The following BCAS3 variants were observed in gnomAD, a reference collection of about 807,000 sequenced individuals.
BCAS3 encodes BCAS3 microtubule associated cell migration factor, also known as BCAS4/BCAS3 fusion.
Under a neutral mutation model 116.1 loss-of-function variants are expected in BCAS3, and 53 were observed. The ratio of observed to expected loss-of-function variants is 0.46; its 90% CI spans 0.37 to 0.57. BCAS3 has a LOEUF of 0.57. Among genes scored for constraint, BCAS3 ranks in the 20% least tolerant of loss-of-function variants. The pLI is 0.00. For synonymous variants in BCAS3, 391 were observed against 408.2 expected, an observed-to-expected ratio of 0.96 and a Z score of 0.51; for missense variants, 917 against 1,165.4, an observed-to-expected ratio of 0.79 and a Z score of 3.10.
intron 22 of BCAS3, among the ~76,000 whole-genome samples, chr17:61,110,436 G>A (rs573166217): frequency 2.0e-5 from 3 of 152,312 alleles, no homozygotes; most frequent in South Asian, 2.1e-4. Flanking sequence ...CTTGGGAAGC[G>A]CAAGGGGTCA....
intron 4 of BCAS3, among the ~76,000 whole-genome samples, chr17:60,707,448 C>G (rs2037314948): frequency 6.6e-6 from 1 of 152,160 alleles, no homozygotes; most frequent in Non-Finnish European, 1.5e-5. Context: ...ATGGGGGGTA[C>G]TTAGCACCCC....
intron 14 of BCAS3, among the ~76,000 whole-genome samples, chr17:60,985,055 A>G (rs2063050593): frequency 6.6e-6 from 1 of 151,528 alleles, no homozygotes; most frequent in African/African-American, 2.4e-5. Context: ...ACGGGCATAC[A>G]ATGTCAAATA....
intron 22 of BCAS3, among the ~76,000 whole-genome samples, chr17:61,280,779 C>T (rs527723486): frequency 7.2e-5 from 11 of 152,226 alleles, no homozygotes; most frequent in African/African-American, 1.4e-4. Context: ...TGGGCAGCGC[C>T]GGAGCTAAAG....
At chr17:61,218,450 C>T (rs77156745) in intron 22 of BCAS3, among the ~76,000 whole-genome samples, 1 of 152,280 alleles carries the variant, frequency 6.6e-6, no homozygotes, top group East Asian at 1.9e-4. Context: ...ATTTCATGTT[C>T]CTAGAGGTCC....
chr17:61,099,298 A>G (rs2074173161), intron 22 of BCAS3, among the ~76,000 whole-genome samples: 1 of 152,146 alleles, frequency 6.6e-6, no homozygotes, highest in South Asian at 2.1e-4. Flanking sequence ...CAGATAATCA[A>G]TATTTCTTGA....
At chr17:61,289,206 C>T (rs1042208218) in intron 22 of BCAS3, among the ~76,000 whole-genome samples, 10 of 152,176 alleles carry the variant, frequency 6.6e-5, no homozygotes, top group Non-Finnish European at 8.8e-5. Flanking sequence ...AATGTACCCC[C>T]GCGACTCAGC....
chr17:60,951,052 A>G (rs1266089973), intron 14 of BCAS3, among the ~76,000 whole-genome samples: 1 of 152,228 alleles, frequency 6.6e-6, no homozygotes, highest in Non-Finnish European at 1.5e-5. Flanking sequence ...TTTTGCAACT[A>G]GGAATTTTAA....
chr17:60,939,218 GCCAGGAGTTTGAGA>G (rs2060101517), intron 13 of BCAS3, among the ~76,000 whole-genome samples: 1 of 150,894 alleles, frequency 6.6e-6, no homozygotes, highest in Non-Finnish European at 1.5e-5. Context: ...ATCACTTGAG[GCCAGGAGTTTGAGA>G]CCAGCCTCGT....
intron 14 of BCAS3, among the ~76,000 whole-genome samples, chr17:60,978,584 A>G (rs1336085281): frequency 3.3e-5 from 5 of 151,718 alleles, no homozygotes; most frequent in African/African-American, 1.2e-4. Flanking sequence ...GCCCATGCCT[A>G]TGTCCTGAAT....
chr17:61,137,511 G>A (rs2076706553), intron 22 of BCAS3, among the ~76,000 whole-genome samples: 2 of 152,258 alleles, frequency 1.3e-5, no homozygotes, highest in Admixed American at 1.3e-4. Flanking sequence ...GCACACGCCT[G>A]TAATCCCAGC....
rs557244734 is a variant in BCAS3 at position 61,241,474 on chromosome 17, G to A, written c.2426-126853G>A. ...CCCCTGTAATCCCAACACTTTGGGA[G>A]GCCGAGGCAGGCGGATCACGAGGTC... On this transcript the variant is annotated intron_variant, in intron 22 of 23. Transcript: ENST00000407086. The surrounding 1 kb of genome is among the most constrained non-coding windows in gnomAD (Gnocchi z 4.6). Among the ~76,000 whole-genome samples, 4 of 152,022 alleles carry A rather than the reference G, an allele frequency of 2.6e-5. No individual in the cohort carries two copies. The highest frequency in any genetic ancestry group is 5.9e-5 in the Non-Finnish European group (4 of 68,024).
At chr17:60,770,487 C>T (rs1253929983) in intron 6 of BCAS3, among the ~76,000 whole-genome samples, 19 of 131,904 alleles carry the variant, frequency 1.4e-4, no homozygotes, top group Non-Finnish European at 2.7e-4. Flanking sequence ...GGCGTGATCT[C>T]GGCTCACTGC....
chr17:60,741,812 A>C (rs896198964), intron 5 of BCAS3, among the ~76,000 whole-genome samples: 8 of 152,230 alleles, frequency 5.3e-5, no homozygotes, highest in African/African-American at 1.9e-4. Context: ...CAAAAGATAC[A>C]CATGTGCCTG....
intron 12 of BCAS3, among the ~76,000 whole-genome samples, chr17:60,922,145 G>A (rs548247748): frequency 5.4e-5 from 8 of 149,376 alleles, no homozygotes; most frequent in African/African-American, 2.0e-4. Flanking sequence ...TTTTTTTTTT[G>A]AGACAGAGTC....
At chr17:60,958,821 G>A (rs1423274933) in intron 14 of BCAS3, among the ~76,000 whole-genome samples, 1 of 152,206 alleles carries the variant, frequency 6.6e-6, no homozygotes, top group Non-Finnish European at 1.5e-5. Flanking sequence ...TAGGGATCCT[G>A]TGACCATTCC....
chr17:61,270,174 C>T (rs542323111), intron 22 of BCAS3, among the ~76,000 whole-genome samples: 9 of 134,356 alleles, frequency 6.7e-5, no homozygotes, highest in African/African-American at 2.3e-4. Context: ...GGCTAGAGTG[C>T]GATGGTGCGA....
In BCAS3 at chr17:61,087,218, T is replaced by C. The variant is rs979165472; in HGVS notation, c.2425+2654T>C. On this transcript the variant is annotated intron_variant, in intron 22 of 23. Coordinates refer to ENST00000407086, the MANE Select transcript of BCAS3 (RefSeq NM_017679.5). The surrounding 1 kb of genome is among the most constrained non-coding windows in gnomAD (Gnocchi z 4.6). ...GGAAGTTGCTTATCTGGAGGTTTCATTGCCTGTTACTTGGAGATACGACCA... is the reference window on the plus strand; with the variant it reads ...GGAAGTTGCTTATCTGGAGGTTTCACTGCCTGTTACTTGGAGATACGACCA... The C allele has an allele frequency of 3.0e-6, 3 of 985,458 alleles. No homozygotes were observed. The highest frequency in any genetic ancestry group is 3.6e-6 in the Non-Finnish European group (3 of 829,940). 61.0% of individuals were successfully genotyped at this position (985,458 alleles called of 1,614,324 possible). A position where few individuals can be genotyped will look rare whatever the true frequency, so the allele number is the denominator to read the frequency against.
At chr17:61,002,708 T>A (rs1484311437) in intron 15 of BCAS3, 1 of 152,072 alleles carries the variant, frequency 6.6e-6, no homozygotes, top group Non-Finnish European at 1.5e-5. Context: ...AGAGGCAAAT[T>A]TTTTAGTTAT....
rs542884701 is a variant in BCAS3 at position 61,013,578 on chromosome 17, C to T, written c.1487-2173C>T. 1.5e-4 allele frequency among the ~76,000 whole-genome samples: 23 copies of T among 152,076 alleles called. No individual in the cohort carries two copies. Among genetic ancestry groups the T allele is most frequent in the African/African-American group, 5.5e-4 (23 of 41,506 alleles). On this transcript the variant is annotated intron_variant, in intron 15 of 23. Transcript: ENST00000407086. The surrounding 1 kb of genome is among the most constrained non-coding windows in gnomAD (Gnocchi z 4.4). ...TTTTCTACAAGGTTCTGTGTTGTGG[C>T]CTAAATCATCTTGTGTGTATTGTGA...
Sources: gnomAD v4.1 joint callset for allele counts (sites outside exome capture counted in the v4.1 genomes callset) on GRCh38, gnomAD v4.1.1 for gene constraint, Gnocchi (gnomAD v3.1) non-coding constraint, MANE v1.5 for transcripts, NCBI Gene and HGNC (gene_info 2026-07-23, HGNC 2026-07-21) for gene names.